The following DCN variants were observed in gnomAD, a reference collection of about 807,000 sequenced individuals.
DCN encodes decorin.
Under a neutral mutation model 36.5 loss-of-function variants are expected in DCN, and 17 were observed. That is an observed-to-expected ratio of 0.47 (90% CI 0.32 to 0.70). DCN has a LOEUF of 0.70. Ranked by LOEUF, DCN falls within the 30% of genes least tolerant of loss-of-function variation. The pLI is 0.04. For synonymous variants in DCN, 163 were observed against 161.4 expected, an observed-to-expected ratio of 1.01 and a Z score of -0.07; for missense variants, 389 against 430.1, an observed-to-expected ratio of 0.90 and a Z score of 0.84.
At chr12:91,167,741 G>A (rs1264325747) in intron 2 of DCN, among the ~76,000 whole-genome samples, 1 of 152,192 alleles carries the variant, frequency 6.6e-6, no homozygotes, top group Non-Finnish European at 1.5e-5. Flanking sequence ...ACCCAAAGAA[G>A]TTAAATAGCT....
At chr12:91,178,242 A>G in intron 2 of DCN, 100 bp downstream of exon 2, 1 of 1,107,492 alleles carries the variant, frequency 9.0e-7, no homozygotes, top group South Asian at 1.3e-5. Flanking sequence ...CTGTCTCTCA[A>G]ATTTAGAGAG....
At chr12:91,178,221 A>ACTGTCTCTCAAAT in intron 2 of DCN, 121 bp downstream of exon 2, 1 of 865,224 alleles carries the variant, frequency 1.2e-6, no homozygotes, top group East Asian at 2.5e-5. Flanking sequence ...TTTACTCCTC[A>ACTGTCTCTCAAAT]TTAGGTGGCA....
intron 7 of DCN, among the ~76,000 whole-genome samples, chr12:91,150,341 G>A (rs181510232): frequency 6.6e-6 from 1 of 152,112 alleles, no homozygotes; most frequent in Admixed American, 6.5e-5. Context: ...TGGGACAATT[G>A]CTATCACATA....
At chr12:91,177,291 T>C (rs1187900296) in intron 2 of DCN, 3 of 434,254 alleles carry the variant, frequency 6.9e-6, no homozygotes, top group Non-Finnish European at 1.2e-5. Context: ...TCTGGGTTCC[T>C]ATAGGCAGTT....
intron 7 of DCN, among the ~76,000 whole-genome samples, chr12:91,147,972 A>G (rs1881136644): frequency 6.6e-6 from 1 of 152,186 alleles, no homozygotes; most frequent in Non-Finnish European, 1.5e-5. Context: ...GTTAGAAATG[A>G]GTTTACAGTT....
intron 3 of DCN, among the ~76,000 whole-genome samples, chr12:91,163,420 C>A (rs550453568): frequency 6.6e-6 from 1 of 152,274 alleles, no homozygotes; most frequent in African/African-American, 2.4e-5. Context: ...TGCAACCACA[C>A]AAGACACAGG....
intron 1 of DCN, chr12:91,179,454 C>A (rs1328661149): frequency 1.3e-5 from 2 of 152,318 alleles, no homozygotes; most frequent in African/African-American, 4.8e-5. Context: ...TCTCCCTCTT[C>A]TCTGCTCCCA....
chr12:91,149,092 C>T (rs934534799), intron 7 of DCN, among the ~76,000 whole-genome samples: 24 of 152,066 alleles, frequency 1.6e-4, no homozygotes, highest in Admixed American at 6.5e-5. Context: ...CAAACTCATT[C>T]TATGGGGTCA....
intron 4 of DCN, 52 bp from the exon 5 acceptor site, chr12:91,157,240 A>T (rs368745396): frequency 6.7e-4 from 808 of 1,198,580 alleles, no homozygotes; most frequent in Non-Finnish European, 8.7e-4. Context: ...GGATATTACT[A>T]GTCACTGTAG....
In DCN at chr12:91,141,293, G is replaced by A. The variant is rs963587451; in HGVS notation, c.*4765C>T. 1.3e-5 allele frequency: 2 copies of A among 152,142 alleles called. No individual in the cohort carries two copies. Among genetic ancestry groups the A allele is most frequent in the Non-Finnish European group, 2.9e-5 (2 of 68,084 alleles). 9.4% of individuals were successfully genotyped at this position (152,142 alleles called of 1,614,324 possible). A position where few individuals can be genotyped will look rare whatever the true frequency, so the allele number is the denominator to read the frequency against. On this transcript the variant is annotated 3_prime_UTR_variant, in exon 8 of 8. Coordinates refer to ENST00000052754, the MANE Select transcript of DCN (RefSeq NM_001920.5). ...TTCTTGCTCACTTTACTCTGCTCAC[G>A]TTTGTCCTCTCTGCTCTTGTTGGAA... is the stretch of plus-strand genomic sequence containing the variant.
rs915287751 is a variant in DCN, at chr12:91,158,387, G to A, written c.447C>T (p.Pro149=). The change falls in exon 4 of 8, where the codon CCC becomes CCT. Residue 149 remains proline (P), a synonymous_variant. Coordinates refer to ENST00000052754, the MANE Select transcript of DCN (RefSeq NM_001920.5). ...GGGCACGCAGCTCCTGAAGAGTTTT[G>A]GGCATTTTTTCTGGCAATTCCTTCA... ...NQLKELPEKM[P]KTLQELRAHE... 4 of 1,613,474 alleles carry A rather than the reference G, an allele frequency of 2.5e-6. No individual in the cohort carries two copies. The African/African-American group carries it at 5.3e-5, about 22-fold the overall frequency.
At chr12:91,173,461 G>A (rs369260136) in intron 2 of DCN, among the ~76,000 whole-genome samples, 11 of 151,962 alleles carry the variant, frequency 7.2e-5, no homozygotes, top group East Asian at 5.8e-4. Context: ...TTAACCCCTG[G>A]ATTCAGGAGA....
intron 5 of DCN, 77 bp from the exon 6 acceptor site, chr12:91,153,266 C>T (rs1254043518): frequency 3.6e-6 from 3 of 826,452 alleles, no homozygotes; most frequent in East Asian, 2.5e-5. Flanking sequence ...TTAAAGAAGA[C>T]ATATGCCATC....
chr12:91,170,062 TAAAA>T (rs397850822), intron 2 of DCN, among the ~76,000 whole-genome samples: 2 of 124,826 alleles, frequency 1.6e-5, no homozygotes, highest in Non-Finnish European at 1.7e-5. Flanking sequence ...AGACTCTGTC[TAAAA>T]AAAAAAAAAA....
intron 7 of DCN, 98 bp from the exon 8 acceptor site, chr12:91,146,350 A>ATTTTTTTTTTTTTTTTTTTTTTTTTAAT: frequency 2.0e-6 from 1 of 508,102 alleles, no homozygotes; most frequent in Non-Finnish European, 3.2e-6. Flanking sequence ...TTAATCCTTC[A>ATTTTTTTTTTTTTTTTTTTTTTTTTAAT]CTTTTTTTTT....
intron 2 of DCN, among the ~76,000 whole-genome samples, chr12:91,167,801 A>T (rs1295207993): frequency 6.6e-6 from 1 of 152,108 alleles, no homozygotes; most frequent in African/African-American, 2.4e-5. Flanking sequence ...GGATAGTTTG[A>T]GTCCTCACTC....
chr12:91,147,643 T>C (rs987131997), intron 7 of DCN, among the ~76,000 whole-genome samples: 2 of 152,158 alleles, frequency 1.3e-5, no homozygotes, highest in Non-Finnish European at 2.9e-5. Flanking sequence ...AAAAAATATA[T>C]ACACCTTTTA....
At chr12:91,178,246 TAGAG>T (rs1302816237) in intron 2 of DCN, 92 bp downstream of exon 2, 2 of 1,123,102 alleles carry the variant, frequency 1.8e-6, no homozygotes, top group African/African-American at 3.1e-5. Flanking sequence ...CTCTCAAATT[TAGAG>T]AGATTAAAAC....
Position 91,146,054 on chromosome 12 carries a change from AG to A in DCN, c.*3del. 6.2e-7 allele frequency: 1 copy of A among 1,612,188 alleles called. No individual in the cohort carries two copies. Among genetic ancestry groups the A allele is most frequent in the Non-Finnish European group, 8.5e-7 (1 of 1,178,276 alleles). On this transcript the variant is annotated 3_prime_UTR_variant, in exon 8 of 8. Coordinates refer to ENST00000052754, the MANE Select transcript of DCN (RefSeq NM_001920.5). Reference sequence around the variant, plus strand: ...GGTTATAAAAATGAGGGCTTTCTTGAGAATTACTTATAGTTTCCGAGTTGAA... The same window carrying A: ...GGTTATAAAAATGAGGGCTTTCTTGAAATTACTTATAGTTTCCGAGTTGAA...
Sources: gnomAD v4.1 joint callset for allele counts (sites outside exome capture counted in the v4.1 genomes callset) on GRCh38, gnomAD v4.1.1 for gene constraint, MANE v1.5 for transcripts, NCBI Gene and HGNC (gene_info 2026-07-23, HGNC 2026-07-21) for gene names.